The following TTN variants were observed in gnomAD, a reference collection of about 807,000 sequenced individuals.
The protein encoded by TTN is connectin.
In TTN, 1,525 loss-of-function variants were observed where a neutral mutation model predicts 3,223.0. The ratio of observed to expected loss-of-function variants is 0.47; its 90% confidence interval spans 0.45 to 0.49. The LOEUF is 0.49. TTN is among the 20% of genes least tolerant of loss of function. TTN has a pLI of 0.00. For synonymous variants in TTN, 14,094 were observed against 15,161.0 expected (o/e 0.93, Z 5.17); for missense variants, 40,786 against 43,424.0 (o/e 0.94, Z 5.40).
intron 70 of TTN, 44 bp downstream of exon 70, chr2:178,725,724 T>G: frequency 1.3e-6 from 2 of 1,549,660 alleles, no homozygotes; most frequent in Non-Finnish European, 1.7e-6. Flanking sequence ...AGTAGGATTT[T>G]GCACATTTAT....
intron 105 of TTN, 37 bp from the exon 106 acceptor site, chr2:178,704,444 C>A: frequency 6.2e-7 from 1 of 1,604,064 alleles, no homozygotes. Context: ...TGTTCAATAT[C>A]ACACGCAGAT....
intron 240 of TTN, among the ~76,000 whole-genome samples, chr2:178,626,033 C>G (rs1576616558): frequency 6.6e-6 from 1 of 151,726 alleles, no homozygotes; most frequent in African/African-American, 2.4e-5. Flanking sequence ...TATGTGTGCC[C>G]CCATTCTGCC....
chr2:178,664,276 TG>T (rs893717877), intron 168 of TTN, among the ~76,000 whole-genome samples, 178 bp from the exon 169 acceptor site: 1 of 152,088 alleles, frequency 6.6e-6, no homozygotes, highest in Non-Finnish European at 1.5e-5. Context: ...ATTTTCTTTT[TG>T]GTAGCCATTT....
chr2:178,542,203 C>CT, intron 349 of TTN, 61 bp downstream of exon 349: 2 of 1,482,662 alleles, frequency 1.3e-6, no homozygotes, highest in Non-Finnish European at 1.8e-6. Flanking sequence ...AAAACAAATT[C>CT]TTTTTTGTTA....
intron 242 of TTN, among the ~76,000 whole-genome samples, chr2:178,622,985 G>A (rs2058522637): frequency 6.6e-6 from 1 of 151,812 alleles, no homozygotes. Flanking sequence ...CATTCTATAT[G>A]TTCAACTAGT....
Position 178,702,511 on chromosome 2 carries a change from T to G in TTN, c.30376A>C (p.Arg10126=). 1 of 1,614,004 alleles carries G rather than the reference T, an allele frequency of 6.2e-7. No homozygotes were observed. The highest frequency in any genetic ancestry group is 8.5e-7 in the Non-Finnish European group (1 of 1,179,894). The change falls in exon 107 of 363, where the codon AGG becomes CGG. Residue 10126 remains arginine (R), a synonymous_variant. Coordinates refer to ENST00000589042, the MANE Select transcript of TTN (RefSeq NM_001267550.2). ...ATATAATGGCAGCGGCCATCATTCCTGAAGTTGTATTTCTGGCTCTCTGTC... is the reference window on the plus strand; with the variant it reads ...ATATAATGGCAGCGGCCATCATTCCGGAAGTTGTATTTCTGGCTCTCTGTC... The part of the protein sequence containing the change: ...ELTESQKYNF[R]NDGRCHYMTI...
At chr2:178,689,479 A>C in intron 123 of TTN, 36 bp downstream of exon 123, 1 of 1,603,722 alleles carries the variant, frequency 6.2e-7, no homozygotes, top group Non-Finnish European at 8.5e-7. Context: ...GCTTGAAGGA[A>C]AGACAAGGTT....
rs753344121 is a variant in TTN, at chr2:178,611,772, A to G, written c.50537T>C (p.Ile16846Thr). Residue 16846 changes from isoleucine (I) to threonine (T), a missense_variant, in exon 268 of 363, where the codon ATT becomes ACT. Transcript: ENST00000589042. ...GCACTACTTACTTGTTGGATCTTCA[A>G]TGGATAGGATTTCTGTGGGTTCACT... ...HPSEPTEILS[I>T]EDPTSPPSPP... 7.4e-6 allele frequency: 12 copies of G among 1,611,936 alleles called. No individual in the cohort carries two copies. Among genetic ancestry groups the G allele is most frequent in the East Asian group, 2.2e-5 (1 of 44,748 alleles).
At position 178,643,713 on chromosome 2, in the gene TTN, A is replaced by AATATCC. The variant is rs1253583035; in HGVS notation, c.40477+829_40477+834dup. ...ATATGCTATTTTAATGTTTATGATCAATATCCATGATAACATTATTTTGTA... is the reference window on the plus strand; with the variant it reads ...ATATGCTATTTTAATGTTTATGATCAATATCCATATCCATGATAACATTATTTTGTA... On this transcript the variant is annotated intron_variant, in intron 218 of 362. Transcript: ENST00000589042. 4.6e-5 allele frequency among the ~76,000 whole-genome samples: 7 copies of AATATCC among 151,840 alleles called. 1 individual carries two copies. The highest frequency in any genetic ancestry group is 1.5e-4 in the African/African-American group (6 of 41,342).
chr2:178,554,219 A>G lies in TTN; in HGVS notation c.88895-3T>C. On this transcript the variant is annotated splice_region_variant and splice_polypyrimidine_tract_variant and intron_variant, in intron 332 of 362. Transcript: ENST00000589042. ...TATGCCTGGTGGCCCAGGTGTAACT[A>G]TTTAGAAAGGAAGGGAAAACAAGGT... 6.4e-7 allele frequency: 1 copy of G among 1,573,174 alleles called. No individual in the cohort carries two copies. Among genetic ancestry groups the G allele is most frequent in the Non-Finnish European group, 8.6e-7 (1 of 1,164,740 alleles).
rs759394282 is a variant in TTN, at chr2:178,553,332, A to G, written c.89568T>C (p.Asp29856=). Residue 29856 remains aspartate (D), a synonymous_variant, in exon 335 of 363, where the codon GAT becomes GAC. Coordinates refer to ENST00000589042, the MANE Select transcript of TTN (RefSeq NM_001267550.2). The part of the protein sequence containing the change: ...RTSVIAKAGE[D]VQVLIPFKGR... The stretch of plus-strand genomic sequence containing the variant: ...CTTTAAAGGGAATCAACACTTGTAC[A>G]TCTTCACCAGCTTTGGCAATAACAG... The G allele has an allele frequency of 2.5e-6, 4 of 1,603,842 alleles. No individual in the cohort carries two copies. Among genetic ancestry groups the G allele is most frequent in the Admixed American group, 1.7e-5 (1 of 59,966 alleles).
Position 178,601,388 on chromosome 2 carries a change from T to C in TTN, c.55609A>G (p.Thr18537Ala). The C allele has an allele frequency of 6.2e-7, 1 of 1,612,784 alleles. No individual in the cohort carries two copies. The highest frequency in any genetic ancestry group is 8.5e-7 in the Non-Finnish European group (1 of 1,179,316). ...TKVNPDCGST[T>A]FVVPDLLSEQ... ...GAGAGGAGATCAGGCACTACAAATG[T>C]GGTGCTTCCACAGTCTGGATTGACT... The change falls in exon 287 of 363, where the codon ACA becomes GCA. Residue 18537 changes from threonine to alanine, a missense_variant. Coordinates refer to ENST00000589042, the MANE Select transcript of TTN (RefSeq NM_001267550.2).
In TTN at chr2:178,530,016, C is replaced by T; in HGVS notation, c.106475G>A (p.Cys35492Tyr). Residue 35492 changes from cysteine (C) to tyrosine (Y), a missense_variant, in exon 359 of 363, where the codon TGT becomes TAT. Physicochemically the swap from Cys to Tyr is radical, Grantham distance 194. Coordinates refer to ENST00000589042, the MANE Select transcript of TTN (RefSeq NM_001267550.2). Reference sequence around the variant, plus strand: ...AGATCCAGCTGAATTTTTTACTGTACAAGTATAAAGTCCACTGTCAGAAGT... The same window carrying T: ...AGATCCAGCTGAATTTTTTACTGTATAAGTATAAAGTCCACTGTCAGAAGT... ...TDTSDSGLYT[C>Y]TVKNSAGSVS... 6.2e-7 allele frequency: 1 copy of T among 1,608,318 alleles called. No individual in the cohort carries two copies. The highest frequency in any genetic ancestry group is 2.2e-5 in the East Asian group (1 of 44,738).
rs199839492 is a variant in TTN at position 178,591,796 on chromosome 2, G to A, written c.60023C>T (p.Pro20008Leu). 9 of 1,613,124 alleles carry A rather than the reference G, an allele frequency of 5.6e-6. No individual in the cohort carries two copies. The East Asian group carries it at 2.0e-4, about 36-fold the overall frequency. The stretch of plus-strand genomic sequence containing the variant: ...ATATTCTACCAAATATCCAGTGATT[G>A]GAGAACCACCATCACGATCCGGCTT... ...WNKPDRDGGS[P>L]ITGYLVEYQE... The change falls in exon 303 of 363, where the codon CCA becomes CTA. Residue 20008 changes from proline to leucine, a missense_variant. Pro to Leu is a moderately conservative substitution (Grantham distance 98). Transcript: ENST00000589042.
chr2:178,605,006 A>G lies in TTN; in HGVS notation c.54171T>C (p.Asn18057=). ...ASNRLGSVFR[N]VHVEVYDRPS... ...ACTTACCATATACTTCAACGTGAAC[A>G]TTTCGGAACACTGAGCCAAGGCGAT... The change falls in exon 280 of 363, where the codon AAT becomes AAC. Residue 18057 remains asparagine, a synonymous_variant. Transcript: ENST00000589042. The G allele has an allele frequency of 6.3e-7, 1 of 1,598,482 alleles. No individual in the cohort carries two copies. Among genetic ancestry groups the G allele is most frequent in the Admixed American group, 1.7e-5 (1 of 58,928 alleles).
At chr2:178,802,675 C>T (rs1311327184) in intron 2 of TTN, among the ~76,000 whole-genome samples, 1 of 152,190 alleles carries the variant, frequency 6.6e-6, no homozygotes, top group Admixed American at 6.5e-5. Flanking sequence ...ACATTAAAAT[C>T]ATGAAAGGGA....
intron 258 of TTN, 56 bp downstream of exon 258, chr2:178,615,585 C>A (rs954290673): frequency 6.2e-7 from 1 of 1,610,246 alleles, no homozygotes. Context: ...AACTCTAGGT[C>A]TAAAAGCAAA....
Position 178,570,392 on chromosome 2 carries a change from G to A in TTN, c.75740C>T (p.Thr25247Ile). ...IINYIVERRE[T>I]SRLVWTVVDA... is the part of the protein sequence containing the mutation. ...AACCACAGTCCAAACTAAGCGGCTG[G>A]TTTCTCTCCTTTCCACAATATAATT... Residue 25247 changes from threonine (T) to isoleucine (I), a missense_variant, in exon 326 of 363, where the codon ACC (threonine) becomes ATC (isoleucine). Thr to Ile is a moderately conservative substitution (Grantham distance 89). Transcript: ENST00000589042. The A allele has an allele frequency of 6.2e-7, 1 of 1,613,186 alleles. No homozygotes were observed. The highest frequency in any genetic ancestry group is 2.2e-5 in the East Asian group (1 of 44,698).
intron 344 of TTN, 68 bp downstream of exon 344, chr2:178,545,320 G>A (rs1388004976): frequency 2.8e-6 from 4 of 1,407,686 alleles, no homozygotes; most frequent in South Asian, 1.7e-5. Context: ...TAGAGATTGT[G>A]TGTTGGAAAA....
Sources: allele counts gnomAD v4.1 joint callset (sites outside exome capture counted in the v4.1 genomes callset), GRCh38; gene constraint gnomAD v4.1.1; transcripts MANE v1.5; gene names NCBI Gene and HGNC (gene_info 2026-07-23, HGNC 2026-07-21).